Variants in FRMD4B observed in about 807,000 individuals in gnomAD.
FRMD4B encodes FERM domain-containing protein 4B.
Under a neutral mutation model 141.5 loss-of-function variants are expected in FRMD4B, and 74 were observed. That is an observed-to-expected ratio of 0.52 (90% CI 0.43 to 0.63). The LOEUF is 0.63. FRMD4B is among the 30% of genes least tolerant of loss of function. FRMD4B has a pLI of 0.00. For synonymous variants in FRMD4B, 506 were observed against 467.9 expected (o/e 1.08, Z -1.05); for missense variants, 1,366 against 1,253.4 (o/e 1.09, Z -1.36).
At chr3:69,337,749 A>G (rs935741666) in intron 1 of FRMD4B, among the ~76,000 whole-genome samples, 5 of 152,238 alleles carry the variant, frequency 3.3e-5, no homozygotes, top group African/African-American at 1.2e-4. Context: ...AATCAAAACC[A>G]CAGTGAGATA....
chr3:69,358,841 G>A (rs2107458519), intron 1 of FRMD4B, among the ~76,000 whole-genome samples: 1 of 152,282 alleles, frequency 6.6e-6, no homozygotes, highest in Middle Eastern at 3.4e-3. Context: ...ATGGAGGTGG[G>A]CTTCTAATAA....
At chr3:69,477,247 T>C (rs1474688465) in intron 1 of FRMD4B, among the ~76,000 whole-genome samples, 300 of 143,482 alleles carry the variant, frequency 2.1e-3, no homozygotes, top group African/African-American at 5.1e-3. Flanking sequence ...CTATGTTGAA[T>C]AGGAGTGGTG....
At chr3:69,457,876 T>C (rs974316755) in intron 1 of FRMD4B, among the ~76,000 whole-genome samples, 1 of 152,148 alleles carries the variant, frequency 6.6e-6, no homozygotes, top group Non-Finnish European at 1.5e-5. Flanking sequence ...GTCTCTCTGC[T>C]TTTAGGAGGA....
intron 1 of FRMD4B, among the ~76,000 whole-genome samples, chr3:69,318,418 C>T (rs536931626): frequency 4.6e-5 from 7 of 152,190 alleles, no homozygotes; most frequent in South Asian, 2.1e-4. Flanking sequence ...ATCACTGAGG[C>T]GCCCATCGAT....
chr3:69,349,953 C>T (rs1377776650), intron 1 of FRMD4B, among the ~76,000 whole-genome samples: 4 of 152,144 alleles, frequency 2.6e-5, no homozygotes, highest in Non-Finnish European at 5.9e-5. Flanking sequence ...GCAATGGCAA[C>T]AAAAGCCAAA....
rs112179868 is a variant in FRMD4B at position 69,190,537 on chromosome 3, C to T, written c.1715-585G>A. Among the ~76,000 whole-genome samples the T allele has an allele frequency of 2.2e-3, 336 of 152,178 alleles. 2 individuals are homozygous for T. The highest frequency in any genetic ancestry group is 7.7e-3 in the African/African-American group (318 of 41,518). The stretch of plus-strand genomic sequence containing the variant: ...TTAAGCAATCCTCCCGCCTCAGCCT[C>T]CTGAGTAGCTGAGATTACAGGTATG... On this transcript the variant is annotated intron_variant, in intron 17 of 22. Transcript: ENST00000398540.
chr3:69,395,172 T>C (rs1704453247), intron 2 of FRMD4B, among the ~76,000 whole-genome samples: 1 of 151,952 alleles, frequency 6.6e-6, no homozygotes, highest in Non-Finnish European at 1.5e-5. Context: ...ATCCCAGAAC[T>C]TAAAGTAAAA....
intron 1 of FRMD4B, among the ~76,000 whole-genome samples, chr3:69,383,057 C>G (rs1387219838): frequency 7.6e-6 from 1 of 131,510 alleles, no homozygotes; most frequent in Non-Finnish European, 1.6e-5. Context: ...TTTCTAAACT[C>G]CAGGCAGCGT....
intron 1 of FRMD4B, among the ~76,000 whole-genome samples, chr3:69,525,916 C>G (rs1252821196): frequency 6.6e-6 from 1 of 152,024 alleles, no homozygotes; most frequent in African/African-American, 2.4e-5. Flanking sequence ...GTCTTGGCCT[C>G]TCAAAGTGCT....
At chr3:69,464,781 A>G (rs2106928610) in intron 1 of FRMD4B, among the ~76,000 whole-genome samples, 1 of 152,294 alleles carries the variant, frequency 6.6e-6, no homozygotes, top group African/African-American at 2.4e-5. Context: ...TTGAACCTGA[A>G]TCTTAACAAC....
chr3:69,193,761 C>T lies in FRMD4B; in HGVS notation c.1601G>A (p.Arg534Gln), dbSNP rs199520789. The T allele has an allele frequency of 3.8e-5, 62 of 1,613,354 alleles. No individual in the cohort carries two copies. Among genetic ancestry groups the T allele is most frequent in the Non-Finnish European group, 5.0e-5 (59 of 1,179,450 alleles). ...CATCGCATCTGTGTAATCTTGCTTT[C>T]GCTTTTTCTTCACAGTTTTACAAAG... ...PDLCKTVKKK[R>Q]KQDYTDAMKK... The change falls in exon 17 of 23, where the codon CGA becomes CAA. Residue 534 changes from arginine (R) to glutamine (Q), a missense_variant. Coordinates refer to ENST00000398540, the MANE Select transcript of FRMD4B (RefSeq NM_015123.3).
At chr3:69,411,033 C>A (rs1419247684) in intron 2 of FRMD4B, among the ~76,000 whole-genome samples, 1 of 151,990 alleles carries the variant, frequency 6.6e-6, no homozygotes, top group African/African-American at 2.4e-5. Context: ...TCTCCTGTGG[C>A]AAACTAGAGA....
intron 4 of FRMD4B, among the ~76,000 whole-genome samples, chr3:69,290,556 T>G (rs1331984891): frequency 6.6e-6 from 1 of 152,142 alleles, no homozygotes; most frequent in East Asian, 1.9e-4. Context: ...GTTTCCTGCT[T>G]TCTTGGCTTT....
At chr3:69,496,902 T>TG (rs1706410730) in intron 1 of FRMD4B, among the ~76,000 whole-genome samples, 1 of 151,764 alleles carries the variant, frequency 6.6e-6, no homozygotes, top group Admixed American at 6.6e-5. Context: ...TGGTAGTTTT[T>TG]TTTTTATTAT....
At chr3:69,513,446 G>A (rs1473597499) in intron 1 of FRMD4B, among the ~76,000 whole-genome samples, 1 of 152,116 alleles carries the variant, frequency 6.6e-6, no homozygotes, top group Non-Finnish European at 1.5e-5. Context: ...AGGACCAGAT[G>A]GCTTCACTGG....
chr3:69,189,973 C>A, intron 17 of FRMD4B, 21 bp from the exon 18 acceptor site: 2 of 1,469,344 alleles, frequency 1.4e-6, no homozygotes, highest in South Asian at 1.1e-5. Flanking sequence ...AAATAACTGC[C>A]TTTAGTACAA....
chr3:69,298,756 G>A (rs1701114506), intron 4 of FRMD4B, among the ~76,000 whole-genome samples: 1 of 152,076 alleles, frequency 6.6e-6, no homozygotes, highest in Non-Finnish European at 1.5e-5. Context: ...TCTTTGAGAG[G>A]CCTTCCCTGA....
At chr3:69,463,372 T>G (rs1705733549) in intron 1 of FRMD4B, among the ~76,000 whole-genome samples, 1 of 152,258 alleles carries the variant, frequency 6.6e-6, no homozygotes, top group African/African-American at 2.4e-5. Flanking sequence ...TTTGAGTTTT[T>G]CTCATAATTC....
At chr3:69,311,818 TTAA>T (rs764022716) in intron 2 of FRMD4B, among the ~76,000 whole-genome samples, 15 of 151,852 alleles carry the variant, frequency 9.9e-5, no homozygotes, top group South Asian at 8.3e-4. Flanking sequence ...GATGAAAATA[TTAA>T]TAATAATAAT....
Sources: allele counts gnomAD v4.1 joint callset (sites outside exome capture counted in the v4.1 genomes callset), GRCh38; gene constraint gnomAD v4.1.1; transcripts MANE v1.5; gene names NCBI Gene and HGNC (gene_info 2026-07-23, HGNC 2026-07-21).